The following KCNK3 variants were observed in gnomAD, a reference collection of about 807,000 sequenced individuals.
KCNK3 encodes potassium channel subfamily K member 3.
In KCNK3, 9 loss-of-function variants were observed where a neutral mutation model predicts 27.3. The ratio of observed to expected loss-of-function variants is 0.33; its 90% confidence interval spans 0.20 to 0.57. KCNK3 has a LOEUF of 0.57. KCNK3 is among the 20% of genes least tolerant of loss of function. KCNK3 has a pLI of 0.87. For missense variants in KCNK3, 391 were observed against 577.7 expected, an observed-to-expected ratio of 0.68 and a Z score of 3.31; for synonymous variants, 278 against 273.8, an observed-to-expected ratio of 1.02 and a Z score of -0.15.
At position 26,694,605 on chromosome 2, in the gene KCNK3, A is replaced by C. The variant is rs183224395; in HGVS notation, c.283+1447A>C. On this transcript the variant is annotated intron_variant, in intron 1 of 1. Transcript: ENST00000302909. The stretch of plus-strand genomic sequence containing the variant: ...AGGGCCCTGGGAGTGGATGTGGCCC[A>C]GCTGGGGCACCTCTGGGTCCTACTG... 2.1e-3 allele frequency among the ~76,000 whole-genome samples: 325 copies of C among 152,180 alleles called. 2 individuals carry two copies. The highest frequency in any genetic ancestry group is 7.6e-3 in the African/African-American group (314 of 41,532).
intron 1 of KCNK3, among the ~76,000 whole-genome samples, chr2:26,720,693 G>A (rs7597094): frequency 0.19 from 29,074 of 152,030 alleles, 3,045 homozygotes; most frequent in East Asian, 0.26. Flanking sequence ...GGAAGCATGG[G>A]GCAGGGAGAG....
chr2:26,699,207 G>GAA (rs71399402), intron 1 of KCNK3, among the ~76,000 whole-genome samples: 43 of 130,966 alleles, frequency 3.3e-4, no homozygotes, highest in Non-Finnish European at 5.1e-4. Context: ...AGGAAAGAGA[G>GAA]AGAAAGAAAG....
intron 1 of KCNK3, among the ~76,000 whole-genome samples, chr2:26,709,685 A>C (rs996475106): frequency 1.3e-5 from 2 of 152,140 alleles, no homozygotes; most frequent in African/African-American, 4.8e-5. Context: ...AAGAGCAACT[A>C]TACCACAGCT....
At chr2:26,716,222 G>GTC (rs1248823258) in intron 1 of KCNK3, among the ~76,000 whole-genome samples, 1 of 152,236 alleles carries the variant, frequency 6.6e-6, no homozygotes, top group Non-Finnish European at 1.5e-5. Context: ...ATGAAACACT[G>GTC]TCTCTCTCTC....
chr2:26,708,379 A>G (rs1217486161), intron 1 of KCNK3, among the ~76,000 whole-genome samples: 4 of 152,200 alleles, frequency 2.6e-5, no homozygotes, highest in African/African-American at 4.8e-5. Flanking sequence ...CATGGTCAAG[A>G]GTTTGGATTT....
intron 1 of KCNK3, among the ~76,000 whole-genome samples, chr2:26,712,655 C>T (rs1663144553): frequency 7.2e-6 from 1 of 137,968 alleles, no homozygotes; most frequent in African/African-American, 2.8e-5. Flanking sequence ...AGGGGAGAGG[C>T]TGGGTGTTGG....
rs1663324249 is a variant in KCNK3, at chr2:26,721,293, G to A, written c.284-6374G>A. 6.6e-6 allele frequency among the ~76,000 whole-genome samples: 1 copy of A among 152,198 alleles called. No individual in the cohort carries two copies. The highest frequency in any genetic ancestry group is 2.4e-5 in the African/African-American group (1 of 41,538). On this transcript the variant is annotated intron_variant, in intron 1 of 1. Coordinates refer to ENST00000302909, the MANE Select transcript of KCNK3 (RefSeq NM_002246.3). The surrounding 1 kb of genome is among the most constrained non-coding windows in gnomAD (Gnocchi z 4.3). ...GAGGCCTCTTCAGTGCCCAGAGAAG[G>A]TTCCCAGAAGGTTCTCGGGAAAGGC... is the stretch of plus-strand genomic sequence containing the variant.
intron 1 of KCNK3, among the ~76,000 whole-genome samples, chr2:26,706,232 G>A (rs995045279): frequency 1.3e-5 from 2 of 152,182 alleles, no homozygotes; most frequent in African/African-American, 4.8e-5. Flanking sequence ...CTCCTGGGGT[G>A]AGCCAGGTGG....
chr2:26,708,706 A>C (rs933750779), intron 1 of KCNK3, among the ~76,000 whole-genome samples: 3 of 152,174 alleles, frequency 2.0e-5, no homozygotes, highest in African/African-American at 7.2e-5. Flanking sequence ...AAAATAAAAG[A>C]GTTTGGATTT....
chr2:26,728,628 A>C lies in KCNK3; in HGVS notation c.*60A>C. 7.3e-7 allele frequency: 1 copy of C among 1,363,108 alleles called. No homozygotes were observed. The highest frequency in any genetic ancestry group is 2.8e-5 in the East Asian group (1 of 36,248). 84.4% of individuals were successfully genotyped at this position (1,363,108 alleles called of 1,614,324 possible). A position where few individuals can be genotyped will look rare whatever the true frequency, so the allele number is the denominator to read the frequency against. Reference sequence around the variant, plus strand: ...GGCGGGGGACCCCTGCTGGGAGGCCAGGAGACTGCCCCTGCTGCCTTCTGC... The same window carrying C: ...GGCGGGGGACCCCTGCTGGGAGGCCCGGAGACTGCCCCTGCTGCCTTCTGC... On this transcript the variant is annotated 3_prime_UTR_variant, in exon 2 of 2. Transcript: ENST00000302909.
chr2:26,718,085 C>A (rs1663263922), intron 1 of KCNK3, among the ~76,000 whole-genome samples: 1 of 151,510 alleles, frequency 6.6e-6, no homozygotes, highest in Non-Finnish European at 1.5e-5. Context: ...CTCGCCCCTA[C>A]CTCCTCCTCT....
In KCNK3 at chr2:26,728,983, C is replaced by G. The variant is rs369859774; in HGVS notation, c.*415C>G. 266 of 165,208 alleles carry G rather than the reference C, an allele frequency of 1.6e-3. 3 individuals carry two copies. The highest frequency in any genetic ancestry group is 8.5e-3 in the Middle Eastern group (3 of 354). 10.2% of individuals were successfully genotyped at this position (165,208 alleles called of 1,614,324 possible). A position where few individuals can be genotyped will look rare whatever the true frequency, so the allele number is the denominator to read the frequency against. Reference sequence around the variant, plus strand: ...TCTGTCCTGCTAGGTCTCCCACCTTCCCTTGGTTCCAAAAGCCAGGGTGTC... The same window carrying G: ...TCTGTCCTGCTAGGTCTCCCACCTTGCCTTGGTTCCAAAAGCCAGGGTGTC... On this transcript the variant is annotated 3_prime_UTR_variant, in exon 2 of 2. Coordinates refer to ENST00000302909, the MANE Select transcript of KCNK3 (RefSeq NM_002246.3).
At chr2:26,708,641 T>C (rs984044370) in intron 1 of KCNK3, among the ~76,000 whole-genome samples, 19 of 152,214 alleles carry the variant, frequency 1.2e-4, no homozygotes, top group African/African-American at 4.6e-4. Flanking sequence ...ATCGCGCTAT[T>C]GTACTCCAGC....
rs780914900 is a variant in KCNK3 at position 26,728,335 on chromosome 2, C to T, written c.952C>T (p.Arg318Cys). Reference sequence around the variant, plus strand: ...GTGCTCGTGCCTGTGGTACAAGAGCCGCGAGAAGCTGCAGTACTCCATCCC... The same window carrying T: ...GTGCTCGTGCCTGTGGTACAAGAGCTGCGAGAAGCTGCAGTACTCCATCCC... ...SMCSCLWYKS[R>C]EKLQYSIPMI... Residue 318 changes from arginine to cysteine, a missense_variant, in exon 2 of 2, where the codon CGC becomes TGC. Physicochemically the swap from Arg to Cys is radical, Grantham distance 180. Transcript: ENST00000302909. 6.2e-6 allele frequency: 10 copies of T among 1,604,412 alleles called. No individual in the cohort carries two copies. Among genetic ancestry groups the T allele is most frequent in the Admixed American group, 1.7e-5 (1 of 59,096 alleles).
Position 26,731,034 on chromosome 2 carries a change from A to T in KCNK3, c.*2466A>T, listed in dbSNP as rs1342990788. ...CTTATGCCTGGGCACACTGCCACAG[A>T]ATATGCAATATGTGTGGGTGACCAT... On this transcript the variant is annotated 3_prime_UTR_variant, in exon 2 of 2. Coordinates refer to ENST00000302909, the MANE Select transcript of KCNK3 (RefSeq NM_002246.3). The T allele has an allele frequency of 6.6e-6, 1 of 152,216 alleles. No homozygotes were observed. Among genetic ancestry groups the T allele is most frequent in the African/African-American group, 2.4e-5 (1 of 41,420 alleles). 9.4% of individuals were successfully genotyped at this position (152,216 alleles called of 1,614,324 possible). A position where few individuals can be genotyped will look rare whatever the true frequency, so the allele number is the denominator to read the frequency against.
intron 1 of KCNK3, among the ~76,000 whole-genome samples, chr2:26,717,410 G>A (rs953640829): frequency 6.6e-6 from 1 of 152,352 alleles, no homozygotes; most frequent in East Asian, 1.9e-4. Context: ...AGGCCTGGGA[G>A]TGTAAATGTG....
chr2:26,698,392 A>G (rs570306084), intron 1 of KCNK3, among the ~76,000 whole-genome samples: 1 of 152,290 alleles, frequency 6.6e-6, no homozygotes, highest in African/African-American at 2.4e-5. Context: ...CCCTACTGCC[A>G]CTAGCTGTAT....
At chr2:26,711,000 A>G (rs1436639903) in intron 1 of KCNK3, among the ~76,000 whole-genome samples, 9 of 152,132 alleles carry the variant, frequency 5.9e-5, no homozygotes, top group South Asian at 2.1e-4. Context: ...CCAGGAATGG[A>G]GCAGGGCAAA....
intron 1 of KCNK3, among the ~76,000 whole-genome samples, chr2:26,706,838 C>G (rs959542292): frequency 3.9e-5 from 6 of 152,148 alleles, no homozygotes; most frequent in Non-Finnish European, 7.4e-5. Flanking sequence ...CCAGCCTCCT[C>G]CACTGCTCCT....
Sources: gnomAD v4.1 joint callset for allele counts (sites outside exome capture counted in the v4.1 genomes callset) on GRCh38, gnomAD v4.1.1 for gene constraint, Gnocchi (gnomAD v3.1) non-coding constraint, MANE v1.5 for transcripts, NCBI Gene and HGNC (gene_info 2026-07-23, HGNC 2026-07-21) for gene names.